Variants in ZBTB18 observed in about 807,000 individuals in gnomAD.
ZBTB18 encodes the protein zinc finger and BTB domain containing 18.
ZBTB18 carries 2 observed loss-of-function variants against 37.7 expected under a neutral mutation model. The observed-to-expected ratio is 0.05, with a 90% CI of 0.02 to 0.17. ZBTB18 has a LOEUF of 0.17. Among genes scored for constraint, ZBTB18 ranks in the 10% least tolerant of loss-of-function variants. The probability of loss-of-function intolerance (pLI) is 1.00; values close to 1 mark genes in which losing one functional copy is unlikely to be tolerated. For synonymous variants in ZBTB18, 304 were observed against 276.5 expected (o/e 1.10, Z -0.99); for missense variants, 408 against 686.3 (o/e 0.59, Z 4.53).
At position 244,054,312 on chromosome 1, in the gene ZBTB18, C is replaced by T. The variant is rs140203623; in HGVS notation, c.538C>T (p.Pro180Ser). ...AGAAGATGAAAAATTGAACATCCTG[C>T]CCAGCAAAAGGGACTTGGCGGCCGA... ...EGEDEKLNILPSKRDLAAEPG... is the reference protein window; with the variant it reads ...EGEDEKLNILSSKRDLAAEPG... The change falls in exon 2 of 2, where the codon CCC becomes TCC. Residue 180 changes from proline to serine, a missense_variant. Pro to Ser is a moderately conservative substitution (Grantham distance 74). Transcript: ENST00000358704. The surrounding 1 kb of genome is among the most constrained non-coding windows in gnomAD (Gnocchi z 9.0). The T allele has an allele frequency of 6.2e-7, 1 of 1,614,170 alleles. No individual in the cohort carries two copies.
At chr1:244,049,577 A>G (rs952678243), upstream of ZBTB18, among the ~76,000 whole-genome samples, 1 of 151,970 alleles carries the variant, frequency 6.6e-6, no homozygotes, top group Non-Finnish European at 1.5e-5. Flanking sequence ...GCTGCTTCTT[A>G]CGACTTTTCT....
rs1247396351 is a variant in ZBTB18 at position 244,055,940 on chromosome 1, G to A, written c.*570G>A. The A allele has an allele frequency of 6.0e-6, 1 of 167,060 alleles. No homozygotes were observed. 10.3% of individuals were successfully genotyped at this position (167,060 alleles called of 1,614,324 possible). ...GGTTTTCTGACAGTTCCCAGTGAGAGAAATGCTGAAAGTACACTGGGATCA... is the reference window on the plus strand; with the variant it reads ...GGTTTTCTGACAGTTCCCAGTGAGAAAAATGCTGAAAGTACACTGGGATCA... On this transcript the variant is annotated 3_prime_UTR_variant, in exon 2 of 2. Coordinates refer to ENST00000358704, the MANE Select transcript of ZBTB18 (RefSeq NM_205768.3). This position sits in a 1 kb window ranked among gnomAD's most constrained non-coding sequence, Gnocchi z 7.0.
chr1:244,054,809 G>T lies in ZBTB18; in HGVS notation c.1035G>T (p.Glu345Asp), dbSNP rs1698423585. 6.2e-7 allele frequency: 1 copy of T among 1,614,192 alleles called. No homozygotes were observed. The highest frequency in any genetic ancestry group is 8.5e-7 in the Non-Finnish European group (1 of 1,180,018). Residue 345 changes from glutamate to aspartate, a missense_variant, in exon 2 of 2, where the codon GAG (glutamate) becomes GAT (aspartate). Transcript: ENST00000358704. The surrounding 1 kb of genome is among the most constrained non-coding windows in gnomAD (Gnocchi z 9.0). ...LDREDKASDD[E>D]MMTPESERVQ... ...GGGAGGACAAAGCCAGTGATGATGA[G>T]ATGATGACCCCAGAGAGCGAGCGTG...
chr1:244,053,849 G>A lies in ZBTB18; in HGVS notation c.75G>A (p.Glu25=), dbSNP rs1197392955. 8 of 1,614,076 alleles carry A rather than the reference G, an allele frequency of 5.0e-6. No individual in the cohort carries two copies. Among genetic ancestry groups the A allele is most frequent in the South Asian group, 2.2e-5 (2 of 91,090 alleles). The change falls in exon 2 of 2, where the codon GAG becomes GAA. Residue 25 remains glutamate, a synonymous_variant. Transcript: ENST00000358704. The surrounding 1 kb of genome is among the most constrained non-coding windows in gnomAD (Gnocchi z 5.2). ...HSRHLLQCLS[E]QRHQGFLCDC... is the part of the protein sequence containing the mutation. The stretch of plus-strand genomic sequence containing the variant: ...GACATTTGCTACAGTGTCTGAGCGA[G>A]CAGAGACACCAGGGTTTTCTTTGTG...
At position 244,054,016 on chromosome 1, in the gene ZBTB18, C is replaced by T; in HGVS notation, c.242C>T (p.Ala81Val). Residue 81 changes from alanine to valine, a missense_variant, in exon 2 of 2, where the codon GCC (alanine) becomes GTC (valine). This residue lies in a region of ZBTB18 where 95 missense variants were observed against 218.7 expected (regional missense o/e 0.43). Transcript: ENST00000358704. This position sits in a 1 kb window ranked among gnomAD's most constrained non-coding sequence, Gnocchi z 9.0. ...CATCTGAACAGCGACATTGTTACAG[C>T]CCCCGCTTTCGCTCTCCTGCTTGAA... is the stretch of plus-strand genomic sequence containing the variant. ...IVHLNSDIVT[A>V]PAFALLLEFM... 1 of 1,614,060 alleles carries T rather than the reference C, an allele frequency of 6.2e-7. No homozygotes were observed. The highest frequency in any genetic ancestry group is 8.5e-7 in the Non-Finnish European group (1 of 1,180,032).
Position 244,057,098 on chromosome 1 carries a change from A to G in ZBTB18, c.*1728A>G, listed in dbSNP as rs968923106. On this transcript the variant is annotated 3_prime_UTR_variant, in exon 2 of 2. Transcript: ENST00000358704. ...TTGGCTGTAATGGCATTTAAAGCAA[A>G]CAAACAAACAAAAAAAGCTGTGAAA... 3 of 165,326 alleles carry G rather than the reference A, an allele frequency of 1.8e-5. No homozygotes were observed. The highest frequency in any genetic ancestry group is 1.4e-4 in the Admixed American group (2 of 13,996). The allele number at this position is 165,326 out of a possible 1,614,324, so 10.2% of individuals were successfully genotyped here. A position where few individuals can be genotyped will look rare whatever the true frequency, so the allele number is the denominator to read the frequency against.
At chr1:244,050,919 A>G (rs1447808268), upstream of ZBTB18, among the ~76,000 whole-genome samples, 2 of 152,226 alleles carry the variant, frequency 1.3e-5, no homozygotes, top group African/African-American at 4.8e-5. Context: ...GAGTTGAATA[A>G]AAGTGAATCT....
intron 1 of ZBTB18, among the ~76,000 whole-genome samples, chr1:244,052,160 T>C (rs1348348971): frequency 1.3e-5 from 2 of 152,228 alleles, no homozygotes; most frequent in East Asian, 3.8e-4. Flanking sequence ...CTATTCTTAA[T>C]CTCTTTATCT....
chr1:244,052,989 T>C (rs952965830), intron 1 of ZBTB18, among the ~76,000 whole-genome samples: 3 of 152,220 alleles, frequency 2.0e-5, no homozygotes, highest in Non-Finnish European at 4.4e-5. Flanking sequence ...TTCCTAATAT[T>C]CTGAAAGTAC....
intron 1 of ZBTB18, among the ~76,000 whole-genome samples, chr1:244,051,963 A>C (rs1269382730): frequency 6.6e-6 from 1 of 152,230 alleles, no homozygotes; most frequent in East Asian, 1.9e-4. Flanking sequence ...AAGAAAAAAA[A>C]ACCAAACTTT....
chr1:244,048,635 C>A (rs1201120552), upstream of ZBTB18, among the ~76,000 whole-genome samples: 3 of 141,858 alleles, frequency 2.1e-5, no homozygotes, highest in East Asian at 2.1e-4. Flanking sequence ...CCCGCCCCCC[C>A]CCCGCCCCCG....
upstream of ZBTB18, among the ~76,000 whole-genome samples, chr1:244,048,605 T>TCCCCTC (rs1378683226): frequency 2.5e-4 from 12 of 48,290 alleles, no homozygotes; most frequent in African/African-American, 6.2e-4. Context: ...TCCCGCCCCC[T>TCCCCTC]CCCCTCCCCC....
At chr1:244,051,673 G>C (rs1308298769) in intron 1 of ZBTB18, among the ~76,000 whole-genome samples, 2 of 151,808 alleles carry the variant, frequency 1.3e-5, no homozygotes, top group Non-Finnish European at 2.9e-5. Context: ...TTCAAGTTTT[G>C]AAATGTTAAG....
rs1698389979 is a variant in ZBTB18, at chr1:244,053,372, G to A, written c.14-416G>A. Among the ~76,000 whole-genome samples, 1 of 152,082 alleles carries A rather than the reference G, an allele frequency of 6.6e-6. No homozygotes were observed. The highest frequency in any genetic ancestry group is 2.1e-4 in the South Asian group (1 of 4,818). Reference sequence around the variant, plus strand: ...CTTGTATGTTCCAGGATATGTTTGGGACTTTTCTTTGTTTATTATATGAGT... The same window carrying A: ...CTTGTATGTTCCAGGATATGTTTGGAACTTTTCTTTGTTTATTATATGAGT... On this transcript the variant is annotated intron_variant, in intron 1 of 1. Transcript: ENST00000358704. This position sits in a 1 kb window ranked among gnomAD's most constrained non-coding sequence, Gnocchi z 5.2.
At position 244,051,463 on chromosome 1, in the gene ZBTB18, T is replaced by A; in HGVS notation, c.13+19T>A. ...CCTAAAGGTAGGAGTAGCAAGAGATTAGATTGAGCATATTTCTGTTTTGGT... is the reference window on the plus strand; with the variant it reads ...CCTAAAGGTAGGAGTAGCAAGAGATAAGATTGAGCATATTTCTGTTTTGGT... On this transcript the variant is annotated intron_variant, in intron 1 of 1. Coordinates refer to ENST00000358704, the MANE Select transcript of ZBTB18 (RefSeq NM_205768.3). The A allele has an allele frequency of 1.2e-6, 2 of 1,613,840 alleles. No individual in the cohort carries two copies. Among genetic ancestry groups the A allele is most frequent in the South Asian group, 2.2e-5 (2 of 90,994 alleles).
upstream of ZBTB18, among the ~76,000 whole-genome samples, chr1:244,048,764 C>G (rs1698286508): frequency 2.1e-5 from 3 of 144,874 alleles, no homozygotes; most frequent in East Asian, 4.5e-4. Context: ...GTGGGGCCCT[C>G]TTCGCTCCGC....
At position 244,056,931 on chromosome 1, in the gene ZBTB18, T is replaced by C. The variant is rs1698486256; in HGVS notation, c.*1561T>C. On this transcript the variant is annotated 3_prime_UTR_variant, in exon 2 of 2. Transcript: ENST00000358704. ...GAAAACGTTTGCTGTTTTTCCCTTT[T>C]TTTTTTAATTGCTTTTGTTTAAAAT... 6.0e-6 allele frequency: 1 copy of C among 167,092 alleles called. No individual in the cohort carries two copies. Among genetic ancestry groups the C allele is most frequent in the South Asian group, 2.1e-4 (1 of 4,830 alleles). 10.4% of individuals were successfully genotyped at this position (167,092 alleles called of 1,614,324 possible).
Position 244,054,920 on chromosome 1 carries a change from C to A in ZBTB18, c.1146C>A (p.Pro382=). Residue 382 remains proline (P), a synonymous_variant, in exon 2 of 2, where the codon CCC becomes CCA. Coordinates refer to ENST00000358704, the MANE Select transcript of ZBTB18 (RefSeq NM_205768.3). The surrounding 1 kb of genome is among the most constrained non-coding windows in gnomAD (Gnocchi z 9.0). ...LSPAGQIFMC[P]LCNKVFPSPH... is the part of the protein sequence containing the mutation. ...CCGCGGGCCAGATCTTCATGTGCCC[C>A]CTGTGCAACAAGGTCTTCCCCAGCC... The A allele has an allele frequency of 6.2e-7, 1 of 1,614,168 alleles. No homozygotes were observed. Among genetic ancestry groups the A allele is most frequent in the Non-Finnish European group, 8.5e-7 (1 of 1,180,016 alleles).
chr1:244,049,642 C>T (rs1352353179), upstream of ZBTB18, among the ~76,000 whole-genome samples: 1 of 152,170 alleles, frequency 6.6e-6, no homozygotes, highest in African/African-American at 2.4e-5. Context: ...AAGGTGTTTT[C>T]CTGCTGCACC....
Sources: gnomAD v4.1 joint callset for allele counts (sites outside exome capture counted in the v4.1 genomes callset) on GRCh38, gnomAD v4.1.1 for gene constraint, gnomAD v4.1.1 regional missense constraint, Gnocchi (gnomAD v3.1) non-coding constraint, MANE v1.5 for transcripts, NCBI Gene and HGNC (gene_info 2026-07-23, HGNC 2026-07-21) for gene names.